Variants in TENM3 observed in about 807,000 individuals in gnomAD.
TENM3 encodes the protein teneurin-3.
A neutral mutation model predicts 255.1 loss-of-function variants in TENM3; 63 were observed. That is an observed-to-expected ratio of 0.25 (90% CI 0.20 to 0.30). The LOEUF (loss-of-function observed/expected upper bound fraction) is 0.30, where lower values mean the gene tolerates loss of function less well. TENM3 is among the 10% of genes least tolerant of loss of function. The pLI, the probability that TENM3 is intolerant of heterozygous loss-of-function variation, is 1.00. For missense variants in TENM3, 2,929 were observed against 3,461.1 expected (o/e 0.85, Z 3.86); for synonymous variants, 1,306 against 1,322.3 (o/e 0.99, Z 0.27).
intron 22 of TENM3, among the ~76,000 whole-genome samples, chr4:182,762,144 T>A (rs1405437262): frequency 6.6e-6 from 1 of 152,224 alleles, no homozygotes; most frequent in Non-Finnish European, 1.5e-5. Context: ...TTAGTCAGAT[T>A]TTCTCAGTTC....
rs886982972 is a variant in TENM3, at chr4:182,416,847, G to A, written c.511+69918G>A. 5.9e-5 allele frequency among the ~76,000 whole-genome samples: 9 copies of A among 152,216 alleles called. No individual in the cohort carries two copies. The East Asian group carries it at 7.7e-4, about 13-fold the overall frequency. On this transcript the variant is annotated intron_variant, in intron 3 of 27. Transcript: ENST00000511685. ...AGAGTGCTTTAGAAAACAAACCATCGGAGAGGCACACGTTGTCTGCATCAC... is the reference window on the plus strand; with the variant it reads ...AGAGTGCTTTAGAAAACAAACCATCAGAGAGGCACACGTTGTCTGCATCAC...
chr4:181,922,382 T>C, the TENM3 span, among the ~76,000 whole-genome samples: 6 of 152,238 alleles, frequency 3.9e-5, no homozygotes, highest in East Asian at 1.2e-3. Flanking sequence ...TTTTGGTTGC[T>C]AAGCTATTGA....
the TENM3 span, among the ~76,000 whole-genome samples, chr4:181,740,239 A>G: frequency 6.6e-6 from 1 of 152,328 alleles, no homozygotes; most frequent in African/African-American, 2.4e-5. Flanking sequence ...GAACAAAATT[A>G]TACTATATTA....
chr4:181,850,519 T>C, the TENM3 span, among the ~76,000 whole-genome samples: 1 of 152,158 alleles, frequency 6.6e-6, no homozygotes, highest in Non-Finnish European at 1.5e-5. Context: ...AAAATCCATA[T>C]TTCTATAGTA....
intron 1 of TENM3, among the ~76,000 whole-genome samples, chr4:182,154,652 A>G (rs1362740893): frequency 6.6e-6 from 1 of 152,200 alleles, no homozygotes; most frequent in African/African-American, 2.4e-5. Context: ...TAAGTGGGGT[A>G]CCTCCTCAGT....
At chr4:181,454,591 G>A in the TENM3 span, among the ~76,000 whole-genome samples, 2 of 118,458 alleles carry the variant, frequency 1.7e-5, no homozygotes, top group Non-Finnish European at 3.5e-5. Flanking sequence ...TTACGCAGAC[G>A]TACAATTTTT....
chr4:182,220,102 C>G (rs1433007235), intron 1 of TENM3, among the ~76,000 whole-genome samples: 1 of 152,108 alleles, frequency 6.6e-6, no homozygotes, highest in Non-Finnish European at 1.5e-5. Flanking sequence ...TATGGCCAGG[C>G]ACGTTGGCTG....
At chr4:182,599,829 G>A (rs1167118899) in intron 3 of TENM3, among the ~76,000 whole-genome samples, 2 of 152,100 alleles carry the variant, frequency 1.3e-5, no homozygotes, top group Non-Finnish European at 2.9e-5. Flanking sequence ...ACTGCATTTT[G>A]AACTGCATTT....
chr4:181,967,452 T>A, the TENM3 span, among the ~76,000 whole-genome samples: 22 of 152,204 alleles, frequency 1.4e-4, 1 homozygote, highest in African/African-American at 5.1e-4. Context: ...CTCCTGTTAA[T>A]TTTTTTTGGA....
intron 3 of TENM3, among the ~76,000 whole-genome samples, chr4:182,476,667 C>G (rs142435895): frequency 1.8e-4 from 27 of 152,270 alleles, no homozygotes; most frequent in African/African-American, 6.5e-4. Context: ...TTAGGAGCCT[C>G]TATATCAACT....
chr4:182,031,161 T>G, the TENM3 span, among the ~76,000 whole-genome samples: 5 of 152,208 alleles, frequency 3.3e-5, no homozygotes, highest in East Asian at 7.7e-4. Context: ...TTCCCAGATT[T>G]TCTTCTAGGA....
the TENM3 span, among the ~76,000 whole-genome samples, chr4:181,627,788 A>G: frequency 2.0e-5 from 3 of 152,206 alleles, no homozygotes; most frequent in African/African-American, 7.2e-5. Flanking sequence ...TAGTACCGCA[A>G]TAAACATTAA....
intron 3 of TENM3, among the ~76,000 whole-genome samples, chr4:182,561,037 C>A (rs1301619077): frequency 1.3e-5 from 2 of 151,986 alleles, no homozygotes; most frequent in Non-Finnish European, 2.9e-5. Flanking sequence ...AGGAACATTT[C>A]CAACGGGTCT....
chr4:181,918,714 A>AG, the TENM3 span, among the ~76,000 whole-genome samples: 1 of 152,076 alleles, frequency 6.6e-6, no homozygotes, highest in Non-Finnish European at 1.5e-5. Context: ...TTAAAAAAAA[A>AG]GAAGTTTAAT....
intron 1 of TENM3, among the ~76,000 whole-genome samples, chr4:182,213,748 C>T (rs2149906848): frequency 6.6e-6 from 1 of 152,232 alleles, no homozygotes; most frequent in Middle Eastern, 3.4e-3. Flanking sequence ...TAAAAATTAG[C>T]CTATATATTT....
chr4:182,271,852 C>A (rs1263391040), intron 1 of TENM3, among the ~76,000 whole-genome samples: 2 of 152,202 alleles, frequency 1.3e-5, no homozygotes, highest in Non-Finnish European at 2.9e-5. Context: ...AAAGTCTAAT[C>A]TCAGCTCTGA....
At chr4:182,790,597 A>G (rs1397206324) in intron 25 of TENM3, among the ~76,000 whole-genome samples, 1 of 152,120 alleles carries the variant, frequency 6.6e-6, no homozygotes, top group Non-Finnish European at 1.5e-5. Context: ...CTCATGGCCA[A>G]TCCGTCCTCT....
At chr4:182,161,934 CATAT>C (rs1294739154) in intron 1 of TENM3, among the ~76,000 whole-genome samples, 1 of 89,488 alleles carries the variant, frequency 1.1e-5, no homozygotes, top group African/African-American at 5.1e-5. Context: ...TATATATACA[CATAT>C]ATATATTTGT....
intron 1 of TENM3, among the ~76,000 whole-genome samples, chr4:182,161,395 G>T (rs1330943401): frequency 1.1e-5 from 1 of 91,724 alleles, no homozygotes. Flanking sequence ...CAGCCTGGGC[G>T]ACAGAGCGAG....
Sources: gnomAD v4.1 joint callset for allele counts (sites outside exome capture counted in the v4.1 genomes callset) on GRCh38, gnomAD v4.1.1 for gene constraint, MANE v1.5 for transcripts, NCBI Gene and HGNC (gene_info 2026-07-23, HGNC 2026-07-21) for gene names.